The following CD44 variants were observed in gnomAD, a reference collection of about 807,000 sequenced individuals.
CD44 encodes the protein CD44 antigen.
A neutral mutation model predicts 88.8 loss-of-function variants in CD44; 49 were observed. The ratio of observed to expected loss-of-function variants is 0.55; its 90% CI spans 0.44 to 0.70. The LOEUF (loss-of-function observed/expected upper bound fraction) is 0.70. Among genes scored for constraint, CD44 ranks in the 30% least tolerant of loss-of-function variants. The probability of loss-of-function intolerance (pLI) is 0.00; values close to 1 mark genes in which losing one functional copy is unlikely to be tolerated. For synonymous variants in CD44, 325 were observed against 312.3 expected (o/e 1.04, Z -0.43); for missense variants, 883 against 913.8 (o/e 0.97, Z 0.43).
chr11:35,218,455 A>G (rs1273933272), intron 15 of CD44, among the ~76,000 whole-genome samples: 1 of 152,148 alleles, frequency 6.6e-6, no homozygotes, highest in African/African-American at 2.4e-5. Flanking sequence ...CAGCCTCCCG[A>G]GTAGCTGGGA....
At chr11:35,197,106 C>T in intron 6 of CD44, 3 of 384,206 alleles carry the variant, frequency 7.8e-6, no homozygotes. Context: ...AAGGCTAATA[C>T]AGAGACTATG....
intron 2 of CD44, among the ~76,000 whole-genome samples, chr11:35,179,078 C>T (rs1182903273): frequency 6.6e-6 from 1 of 152,110 alleles, no homozygotes; most frequent in African/African-American, 2.4e-5. Context: ...TTGGGGAAAC[C>T]AGTTTGTCTG....
intron 7 of CD44, 80 bp downstream of exon 7, chr11:35,198,326 T>G (rs1479624863): frequency 4.5e-6 from 6 of 1,342,342 alleles, no homozygotes; most frequent in Non-Finnish European, 6.2e-6. Flanking sequence ...GTATCTCTCT[T>G]GAGAAGTAGT....
At chr11:35,218,925 C>A in intron 15 of CD44, 1 of 186,262 alleles carries the variant, frequency 5.4e-6, no homozygotes, top group Non-Finnish European at 1.1e-5. Flanking sequence ...TGATGAACAG[C>A]ATTCTGTTAT....
chr11:35,170,232 A>C (rs1391776534), intron 1 of CD44, among the ~76,000 whole-genome samples: 1 of 152,246 alleles, frequency 6.6e-6, no homozygotes, highest in South Asian at 2.1e-4. Flanking sequence ...AGTGAGTGGC[A>C]GGGTCAGGAA....
rs753220702 is a variant in CD44 at position 35,230,868 on chromosome 11, G to A, written c.*1535G>A. 3.3e-5 allele frequency: 5 copies of A among 152,162 alleles called. No homozygotes were observed. Among genetic ancestry groups the A allele is most frequent in the Non-Finnish European group, 5.9e-5 (4 of 68,040 alleles). The allele number at this position is 152,162 out of a possible 1,614,324, so 9.4% of individuals were successfully genotyped here. On this transcript the variant is annotated 3_prime_UTR_variant, in exon 18 of 18. Transcript: ENST00000428726. ...CTGTTAAATGGTATCTCCTTTCTGA[G>A]GCTCCTACTAAAAGTCATTTGTTAC...
At chr11:35,140,094 T>G (rs1397181328) in intron 1 of CD44, among the ~76,000 whole-genome samples, 1 of 152,144 alleles carries the variant, frequency 6.6e-6, no homozygotes, top group Non-Finnish European at 1.5e-5. Flanking sequence ...TGCCAATCAG[T>G]GTGGGGAAAT....
intron 3 of CD44, among the ~76,000 whole-genome samples, chr11:35,180,938 G>A (rs1944928590): frequency 6.6e-6 from 1 of 152,166 alleles, no homozygotes; most frequent in Non-Finnish European, 1.5e-5. Flanking sequence ...TATTTTCTGA[G>A]AAGGTGGTCA....
chr11:35,175,364 A>G (rs375724728), intron 1 of CD44, among the ~76,000 whole-genome samples: 1 of 152,242 alleles, frequency 6.6e-6, no homozygotes, highest in African/African-American at 2.4e-5. Flanking sequence ...TGCTCATAAC[A>G]TAAGATTAAG....
chr11:35,168,015 A>G (rs571493782), intron 1 of CD44, among the ~76,000 whole-genome samples: 2 of 152,370 alleles, frequency 1.3e-5, no homozygotes, highest in South Asian at 4.1e-4. Context: ...GTCAAGGTCA[A>G]GACTTCAGAA....
intron 3 of CD44, among the ~76,000 whole-genome samples, chr11:35,182,797 T>G (rs972055004): frequency 6.6e-6 from 1 of 152,184 alleles, no homozygotes; most frequent in African/African-American, 2.4e-5. Flanking sequence ...CATCTCCCAT[T>G]GAGTCTTGCT....
chr11:35,187,274 CA>C (rs1019788120), intron 4 of CD44, among the ~76,000 whole-genome samples: 4 of 147,698 alleles, frequency 2.7e-5, no homozygotes, highest in Non-Finnish European at 3.0e-5. Flanking sequence ...ACTCCATTTC[CA>C]AAAAAAAAGA....
chr11:35,199,752 T>C (rs1019600633), intron 7 of CD44, among the ~76,000 whole-genome samples: 2 of 152,026 alleles, frequency 1.3e-5, no homozygotes, highest in African/African-American at 2.4e-5. Context: ...TCAAAAACAC[T>C]GGAGTTTTAC....
intron 6 of CD44, chr11:35,197,425 CCT>C (rs940841928): frequency 2.0e-5 from 3 of 152,112 alleles, no homozygotes; most frequent in African/African-American, 7.2e-5. Flanking sequence ...TTTTTCATCT[CCT>C]TTTTTTATTC....
chr11:35,204,813 T>C lies in CD44; in HGVS notation c.1282+173T>C, dbSNP rs1017265140. The C allele has an allele frequency of 6.9e-6, 4 of 579,960 alleles. No homozygotes were observed. The Admixed American group carries it at 1.3e-4, about 19-fold the overall frequency. The allele number at this position is 579,960 out of a possible 1,614,324, so 35.9% of individuals were successfully genotyped here. ...CCAAACCTTAAAGGCTCATAACAAG[T>C]CACCTGAACAGGAATGGATACAAGC... On this transcript the variant is annotated intron_variant, in intron 10 of 17. Transcript: ENST00000428726.
intron 16 of CD44, among the ~76,000 whole-genome samples, chr11:35,220,355 T>C (rs941521467): frequency 2.7e-5 from 4 of 149,866 alleles, no homozygotes; most frequent in Non-Finnish European, 4.5e-5. Context: ...AGAACAGAAA[T>C]CGGGCCCTCC....
At chr11:35,226,880 CTTTTTTTTTT>C (rs367551052) in intron 17 of CD44, among the ~76,000 whole-genome samples, 1 of 106,212 alleles carries the variant, frequency 9.4e-6, no homozygotes, top group Non-Finnish European at 1.8e-5. Context: ...TTCTTTTTTC[CTTTTTTTTTT>C]TTTTTTTTTT....
At position 35,139,175 on chromosome 11, in the gene CD44, T is replaced by C; in HGVS notation, c.-129T>C. 1 of 699,956 alleles carries C rather than the reference T, an allele frequency of 1.4e-6. No homozygotes were observed. The highest frequency in any genetic ancestry group is 2.3e-5 in the Admixed American group (1 of 43,240). 43.4% of individuals were successfully genotyped at this position (699,956 alleles called of 1,614,324 possible). A position where few individuals can be genotyped will look rare whatever the true frequency, so the allele number is the denominator to read the frequency against. On this transcript the variant is annotated 5_prime_UTR_variant, in exon 1 of 18. Coordinates refer to ENST00000428726, the MANE Select transcript of CD44 (RefSeq NM_000610.4). ...GCAGCCAACTTCCGAGGCAGCCTCA[T>C]TGCCCAGCGGACCCCAGCCTCTGCC...
intron 2 of CD44, among the ~76,000 whole-genome samples, chr11:35,178,666 G>T (rs1591076899): frequency 6.6e-6 from 1 of 152,106 alleles, no homozygotes; most frequent in Non-Finnish European, 1.5e-5. Context: ...CATAAAACCG[G>T]TAGGCAACAT....
Sources: gnomAD v4.1 joint callset for allele counts (sites outside exome capture counted in the v4.1 genomes callset) on GRCh38, gnomAD v4.1.1 for gene constraint, MANE v1.5 for transcripts, NCBI Gene and HGNC (gene_info 2026-07-23, HGNC 2026-07-21) for gene names.